CRYAB: variants seen among roughly 807,000 people sequenced by gnomAD.
CRYAB encodes the protein alpha-crystallin B chain.
In CRYAB, 9 loss-of-function variants were observed where a neutral mutation model predicts 12.7. The observed-to-expected ratio is 0.71, with a 90% CI of 0.43 to 1.24. The LOEUF is 1.24. Ranked by LOEUF, CRYAB falls within the 50% of genes most tolerant of loss-of-function variation. The pLI, the probability that CRYAB is intolerant of heterozygous loss-of-function variation, is 0.00. For synonymous variants in CRYAB, 93 were observed against 86.8 expected, an observed-to-expected ratio of 1.07 and a Z score of -0.40; for missense variants, 183 against 226.6, an observed-to-expected ratio of 0.81 and a Z score of 1.24.
chr11:111,912,683 C>T, upstream of CRYAB: 2 of 513,464 alleles, frequency 3.9e-6, no homozygotes, highest in East Asian at 4.2e-5. Flanking sequence ...CCAGCCCCTC[C>T]CCCCCCAAGA....
At chr11:111,919,779 C>T (rs587700910) in intron 1 of CRYAB, among the ~76,000 whole-genome samples, 16 of 152,332 alleles carry the variant, frequency 1.1e-4, no homozygotes, top group African/African-American at 3.8e-4. Flanking sequence ...GGTCACATGG[C>T]TGGTAAGCAA....
chr11:111,917,100 G>A (rs1237455046), upstream of CRYAB, among the ~76,000 whole-genome samples: 8 of 152,180 alleles, frequency 5.3e-5, no homozygotes, highest in Admixed American at 5.2e-4. Context: ...CTGGGCTCAA[G>A]CGATCCTCTT....
chr11:111,909,328 C>T, intron 2 of CRYAB: 1 of 448,070 alleles, frequency 2.2e-6, no homozygotes, highest in East Asian at 7.0e-5. Flanking sequence ...ATTGTCCTGA[C>T]TCTTCAGGAA....
At chr11:111,913,449 C>T, upstream of CRYAB, 3 of 1,607,164 alleles carry the variant, frequency 1.9e-6, no homozygotes, top group African/African-American at 1.3e-5. Flanking sequence ...AGGCCTCCTG[C>T]CAGAAGAGAT....
intron 1 of CRYAB, 116 bp downstream of exon 1, chr11:111,911,408 A>G: frequency 9.5e-7 from 1 of 1,053,304 alleles, no homozygotes; most frequent in Non-Finnish European, 1.4e-6. Context: ...TTTTCTTCAC[A>G]TTTGGACACA....
upstream of CRYAB, chr11:111,913,638 G>A: frequency 6.2e-7 from 1 of 1,614,146 alleles, no homozygotes; most frequent in Non-Finnish European, 8.5e-7. Flanking sequence ...TAACCTGCTG[G>A]AGGTGTCTGC....
upstream of CRYAB, chr11:111,911,891 G>A (rs1368097525): frequency 1.6e-5 from 10 of 622,026 alleles, no homozygotes; most frequent in East Asian, 2.5e-4. Flanking sequence ...TCCGGGATTT[G>A]GCAATGTGAC....
chr11:111,912,624 C>T (rs1965500575), upstream of CRYAB: 2 of 593,668 alleles, frequency 3.4e-6, no homozygotes, highest in Non-Finnish European at 3.0e-6. Flanking sequence ...ACTAGGGGTC[C>T]GGGCGGCGCT....
intron 1 of CRYAB, among the ~76,000 whole-genome samples, chr11:111,921,637 A>G (rs1965700579): frequency 6.6e-6 from 1 of 152,230 alleles, no homozygotes; most frequent in African/African-American, 2.4e-5. Flanking sequence ...AGGAGATGTA[A>G]CAGCTTCTTT....
At chr11:111,922,249 C>G (rs375886522) in intron 1 of CRYAB, among the ~76,000 whole-genome samples, 3 of 152,216 alleles carry the variant, frequency 2.0e-5, no homozygotes, top group Non-Finnish European at 4.4e-5. Context: ...TCTAGAGACA[C>G]TATACCAAAT....
chr11:111,912,580 C>T, upstream of CRYAB: 1 of 557,438 alleles, frequency 1.8e-6, no homozygotes, highest in South Asian at 2.1e-5. Flanking sequence ...CTCTCAGGCC[C>T]CCTGCGACAG....
At chr11:111,912,675 A>G, upstream of CRYAB, 1 of 379,184 alleles carries the variant, frequency 2.6e-6, no homozygotes, top group Admixed American at 3.3e-5. Flanking sequence ...CCCCACTCCC[A>G]GCCCCTCCCC....
chr11:111,917,219 A>G (rs1555166169), upstream of CRYAB, among the ~76,000 whole-genome samples: 1 of 152,184 alleles, frequency 6.6e-6, no homozygotes, highest in African/African-American at 2.4e-5. Context: ...CTAAAAAGGA[A>G]CCAGATTATG....
chr11:111,919,241 G>A (rs1965647947), intron 1 of CRYAB: 2 of 535,146 alleles, frequency 3.7e-6, no homozygotes, highest in Admixed American at 3.1e-5. Flanking sequence ...TTGGGAGGCC[G>A]AGGCCGGCGG....
At chr11:111,912,861 C>G, upstream of CRYAB, 1 of 1,608,228 alleles carries the variant, frequency 6.2e-7, no homozygotes, top group Non-Finnish European at 8.5e-7. Context: ...CATGCCCACC[C>G]GGCCACCGCC....
At chr11:111,910,012 C>A in intron 2 of CRYAB, 1 of 614,432 alleles carries the variant, frequency 1.6e-6, no homozygotes, top group Non-Finnish European at 2.9e-6. Context: ...TATGCCCGAG[C>A]ATTAGGTTTT....
chr11:111,920,555 G>A (rs1438668061), intron 1 of CRYAB, among the ~76,000 whole-genome samples: 3 of 151,724 alleles, frequency 2.0e-5, no homozygotes, highest in East Asian at 3.9e-4. Context: ...AAAAAGAAAA[G>A]GAGTTTGAGA....
chr11:111,911,641 G>A lies in CRYAB; in HGVS notation c.84C>T (p.Phe28=), dbSNP rs1555165581. ...GATCAGACTCCAACAGGTGCTCTCC[G>A]AAGAACTGGTCAAAGAGGCGGCTGG... ...HSPSRLFDQF[F]GEHLLESDLF... is the part of the protein sequence containing the mutation. Residue 28 remains phenylalanine, a synonymous_variant, in exon 1 of 3, where the codon TTC becomes TTT. Coordinates refer to ENST00000650687, the MANE Select transcript of CRYAB (RefSeq NM_001289808.2). The A allele has an allele frequency of 5.6e-6, 9 of 1,611,244 alleles. No individual in the cohort carries two copies. Among genetic ancestry groups the A allele is most frequent in the East Asian group, 4.5e-5 (2 of 44,830 alleles).
At chr11:111,911,503 C>A (rs1555165529) in intron 1 of CRYAB, 21 bp downstream of exon 1, 1 of 1,599,106 alleles carries the variant, frequency 6.3e-7, no homozygotes, top group East Asian at 2.2e-5. Flanking sequence ...ACTCTCCCGT[C>A]CTAGCTGTGG....
Sources: allele counts gnomAD v4.1 joint callset (sites outside exome capture counted in the v4.1 genomes callset), GRCh38; gene constraint gnomAD v4.1.1; transcripts MANE v1.5; gene names NCBI Gene and HGNC (gene_info 2026-07-23, HGNC 2026-07-21).